Variants in AMZ2 observed in about 807,000 individuals in gnomAD.
AMZ2 encodes the protein archaelysin family metallopeptidase 2.
AMZ2 carries 26 observed loss-of-function variants against 36.7 expected under a neutral mutation model. That is an observed-to-expected ratio of 0.71 (90% CI 0.52 to 0.98). The LOEUF is 0.98. Ranked by LOEUF, AMZ2 falls within the 50% of genes least tolerant of loss-of-function variation. AMZ2 has a pLI of 0.00. For missense variants in AMZ2, 394 were observed against 430.5 expected, an observed-to-expected ratio of 0.92 and a Z score of 0.75; for synonymous variants, 144 against 149.1, an observed-to-expected ratio of 0.97 and a Z score of 0.25.
intron 1 of AMZ2, among the ~76,000 whole-genome samples, chr17:68,224,567 A>G (rs1392166501): frequency 1.6e-4 from 23 of 145,320 alleles, no homozygotes; most frequent in Admixed American, 4.2e-4. Context: ...TTCCCTAGAG[A>G]CAGGGTCTCA....
intron 1 of AMZ2, among the ~76,000 whole-genome samples, chr17:68,221,932 C>A (rs546556172): frequency 2.0e-5 from 3 of 152,192 alleles, no homozygotes; most frequent in East Asian, 3.9e-4. Context: ...ACGACCTCAG[C>A]GGTATTACAG....
chr17:68,249,887 T>A, intron 1 of AMZ2: 1 of 343,256 alleles, frequency 2.9e-6, no homozygotes, highest in Non-Finnish European at 5.4e-6. Context: ...CCTCAAGCAA[T>A]CCTCCTATCC....
chr17:68,226,292 C>T (rs529932033), intron 1 of AMZ2, among the ~76,000 whole-genome samples: 3 of 152,272 alleles, frequency 2.0e-5, no homozygotes, highest in Admixed American at 1.3e-4. Flanking sequence ...CTGTTTTGTG[C>T]CTTAAGAGTT....
At position 68,250,388 on chromosome 17, in the gene AMZ2, C is replaced by T. The variant is rs374172297; in HGVS notation, c.201C>T (p.Pro67=). The T allele has an allele frequency of 6.2e-7, 1 of 1,614,190 alleles. No individual in the cohort carries two copies. The highest frequency in any genetic ancestry group is 8.5e-7 in the Non-Finnish European group (1 of 1,180,048). Residue 67 remains proline (P), a synonymous_variant, in exon 2 of 7, where the codon CCC becomes CCT. Transcript: ENST00000359904. ...SDWITSHPEA[P]QDFEQFFSDP... Reference sequence around the variant, plus strand: ...GGATCACCTCCCACCCTGAGGCTCCCCAAGACTTTGAACAGTTCTTCAGTG... The same window carrying T: ...GGATCACCTCCCACCCTGAGGCTCCTCAAGACTTTGAACAGTTCTTCAGTG...
Position 68,248,606 on chromosome 17 carries a change from T to A in AMZ2, c.-100T>A. On this transcript the variant is annotated 5_prime_UTR_variant, in exon 1 of 7. Coordinates refer to ENST00000359904, the MANE Select transcript of AMZ2 (RefSeq NM_016627.5). ...ACCTTTCACACTGCCTTTTTAATAT[T>A]AAGATGAAGTCACACTCCACAACTT... 1 of 985,878 alleles carries A rather than the reference T, an allele frequency of 1.0e-6. No individual in the cohort carries two copies. The highest frequency in any genetic ancestry group is 1.2e-6 in the Non-Finnish European group (1 of 829,972). The allele number at this position is 985,878 out of a possible 1,614,324, so 61.1% of individuals were successfully genotyped here. A position where few individuals can be genotyped will look rare whatever the true frequency, so the allele number is the denominator to read the frequency against.
chr17:68,213,877 T>TC (rs2073128800), intron 1 of AMZ2, among the ~76,000 whole-genome samples: 1 of 152,022 alleles, frequency 6.6e-6, no homozygotes, highest in East Asian at 1.9e-4. Context: ...ATCTTGGTCG[T>TC]CCAACCCTAC....
At chr17:68,251,734 G>A (rs1346675480) in intron 4 of AMZ2, among the ~76,000 whole-genome samples, 1 of 152,174 alleles carries the variant, frequency 6.6e-6, no homozygotes, top group African/African-American at 2.4e-5. Context: ...GTAAATGTCA[G>A]TAATTCAGTA....
intron 1 of AMZ2, among the ~76,000 whole-genome samples, chr17:68,232,528 T>C (rs1281812427): frequency 2.1e-5 from 3 of 143,476 alleles, no homozygotes; most frequent in East Asian, 2.0e-4. Flanking sequence ...TGATCAACAA[T>C]AGAAAATGAA....
chr17:68,219,861 G>T (rs1295861748), intron 1 of AMZ2, among the ~76,000 whole-genome samples: 4 of 152,068 alleles, frequency 2.6e-5, no homozygotes, highest in Non-Finnish European at 5.9e-5. Flanking sequence ...AGCTATTATT[G>T]TTCATAGATT....
chr17:68,225,054 T>C (rs1300652154), intron 1 of AMZ2, among the ~76,000 whole-genome samples: 7 of 150,962 alleles, frequency 4.6e-5, no homozygotes, highest in Non-Finnish European at 1.0e-4. Context: ...TAGCTGGGCA[T>C]GCTGGCGTGC....
At chr17:68,208,053 G>C (rs1393636401) in intron 1 of AMZ2, among the ~76,000 whole-genome samples, 1 of 152,184 alleles carries the variant, frequency 6.6e-6, no homozygotes, top group Non-Finnish European at 1.5e-5. Flanking sequence ...CCTTCCCACG[G>C]GGCAGCACTT....
At position 68,221,221 on chromosome 17, in the gene AMZ2, C is replaced by CG. The variant is rs1568348144; in HGVS notation, c.-67+14983_-67+14984insG. ...CTCAGCCCTCAGCTCCCCCCCCCGCCCCCCCGGTAGCTAGGACCCCAAGTG... is the reference window on the plus strand; with the variant it reads ...CTCAGCCCTCAGCTCCCCCCCCCGCCGCCCCCGGTAGCTAGGACCCCAAGTG... On this transcript the variant is annotated intron_variant, in intron 1 of 7. Transcript: ENST00000674770. Among the ~76,000 whole-genome samples, 2 of 98,168 alleles carry CG rather than the reference C, an allele frequency of 2.0e-5. 1 individual carries two copies. The highest frequency in any genetic ancestry group is 7.8e-4 in the East Asian group (2 of 2,550). 64.4% of individuals were successfully genotyped at this position (98,168 alleles called of 152,430 possible).
At chr17:68,239,568 G>A (rs1465464307) in intron 1 of AMZ2, among the ~76,000 whole-genome samples, 12 of 152,148 alleles carry the variant, frequency 7.9e-5, no homozygotes, top group Admixed American at 2.0e-4. Flanking sequence ...GGATGAACAC[G>A]GTGGCTAAGG....
At chr17:68,249,059 A>T (rs528729205) in intron 1 of AMZ2, 1 of 1,185,290 alleles carries the variant, frequency 8.4e-7, no homozygotes. Flanking sequence ...TGAAAGCTCT[A>T]TATAGGAACA....
At chr17:68,242,806 C>T (rs1395295832) in intron 1 of AMZ2, among the ~76,000 whole-genome samples, 2 of 152,002 alleles carry the variant, frequency 1.3e-5, no homozygotes, top group African/African-American at 2.4e-5. Flanking sequence ...AAGGTGGAGG[C>T]ATGCAGATGT....
chr17:68,206,875 C>T (rs1162024133), intron 1 of AMZ2: 1 of 153,204 alleles, frequency 6.5e-6, no homozygotes, highest in East Asian at 1.9e-4. Context: ...GCTAATGGGC[C>T]TGTGCAACAG....
In AMZ2 at chr17:68,206,163, C is replaced by A. The variant is rs573242091; in HGVS notation, c.-142C>A. 8.0e-5 allele frequency: 104 copies of A among 1,306,576 alleles called. No individual in the cohort carries two copies. The African/African-American group carries it at 1.3e-3, about 16-fold the overall frequency. The allele number at this position is 1,306,576 out of a possible 1,614,324, so 80.9% of individuals were successfully genotyped here. A position where few individuals can be genotyped will look rare whatever the true frequency, so the allele number is the denominator to read the frequency against. ...GGCTGATTCCGATTATCTGGAGGAG[C>A]TGGAAGACGACGACGACGCCAGTTA... On this transcript the variant is annotated 5_prime_UTR_variant, in exon 1 of 8. Transcript: ENST00000674770.
intron 1 of AMZ2, among the ~76,000 whole-genome samples, chr17:68,223,528 A>C (rs2073422176): frequency 6.8e-6 from 1 of 146,218 alleles, no homozygotes; most frequent in Non-Finnish European, 1.5e-5. Context: ...ATTCTAACTA[A>C]TGGATTTTCT....
At chr17:68,238,467 A>C (rs2073835387) in intron 1 of AMZ2, among the ~76,000 whole-genome samples, 1 of 152,166 alleles carries the variant, frequency 6.6e-6, no homozygotes, top group African/African-American at 2.4e-5. Context: ...GTGAAATGAT[A>C]TTCTTAAGGT....
Sources: gnomAD v4.1 joint callset for allele counts (sites outside exome capture counted in the v4.1 genomes callset) on GRCh38, gnomAD v4.1.1 for gene constraint, MANE v1.5 for transcripts, NCBI Gene and HGNC (gene_info 2026-07-23, HGNC 2026-07-21) for gene names.